DTWD2: variants seen among roughly 807,000 people sequenced by gnomAD.
The protein encoded by DTWD2 is DTW motif tRNA-uridine aminocarboxypropyltransferase 2.
In DTWD2, 39 loss-of-function variants were observed where a neutral mutation model predicts 31.8. That is an observed-to-expected ratio of 1.22 (90% CI 0.95 to 1.60). The LOEUF is 1.60. Ranked by LOEUF, DTWD2 falls within the 40% of genes most tolerant of loss-of-function variation. The pLI is 0.00. For synonymous variants in DTWD2, 180 were observed against 142.8 expected (o/e 1.26, Z -1.86); for missense variants, 515 against 381.5 (o/e 1.35, Z -2.92).
At chr5:118,932,472 G>T (rs2149580719) in intron 3 of DTWD2, among the ~76,000 whole-genome samples, 1 of 152,228 alleles carries the variant, frequency 6.6e-6, no homozygotes, top group East Asian at 1.9e-4. Context: ...ATCAAAAGCT[G>T]ACTGTTATAG....
At chr5:118,925,723 T>C (rs1753794839) in intron 4 of DTWD2, among the ~76,000 whole-genome samples, 1 of 151,606 alleles carries the variant, frequency 6.6e-6, no homozygotes, top group South Asian at 2.1e-4. Context: ...CGGGTACCTG[T>C]AGTCCCAGCT....
intron 1 of DTWD2, among the ~76,000 whole-genome samples, chr5:118,986,337 T>C (rs188477195): frequency 6.6e-6 from 1 of 152,320 alleles, no homozygotes; most frequent in East Asian, 1.9e-4. Context: ...AATAATAAAT[T>C]ACAAGTTTGG....
chr5:118,980,222 C>G (rs1755268589), intron 1 of DTWD2, among the ~76,000 whole-genome samples: 1 of 152,144 alleles, frequency 6.6e-6, no homozygotes, highest in Non-Finnish European at 1.5e-5. Flanking sequence ...TACTTGCAAC[C>G]CATTGTAAAA....
chr5:118,864,128 C>A lies in DTWD2; in HGVS notation c.598-15910G>T, dbSNP rs1313622545. ...CACAATAGCAAAGACTTGGAACCAA[C>A]CCAAATGTCCAACAATGATAGACTG... On this transcript the variant is annotated intron_variant, in intron 4 of 5. Transcript: ENST00000510708. Among the ~76,000 whole-genome samples, 3 of 136,532 alleles carry A rather than the reference C, an allele frequency of 2.2e-5. 1 individual carries two copies. The highest frequency in any genetic ancestry group is 9.8e-5 in the African/African-American group (3 of 30,554). The allele number at this position is 136,532 out of a possible 152,430, so 89.6% of individuals were successfully genotyped here.
intron 4 of DTWD2, among the ~76,000 whole-genome samples, chr5:118,860,105 G>A (rs1752226626): frequency 6.6e-6 from 1 of 151,622 alleles, no homozygotes; most frequent in African/African-American, 2.4e-5. Flanking sequence ...CTATTACAGA[G>A]TGAGACCCTG....
At chr5:118,872,123 A>C (rs1196649866) in intron 4 of DTWD2, among the ~76,000 whole-genome samples, 1 of 152,230 alleles carries the variant, frequency 6.6e-6, no homozygotes, top group Non-Finnish European at 1.5e-5. Context: ...CAATCTTAAC[A>C]GAATTGAAGA....
chr5:118,897,915 G>T (rs1192620890), intron 4 of DTWD2, among the ~76,000 whole-genome samples: 1 of 152,110 alleles, frequency 6.6e-6, no homozygotes, highest in East Asian at 1.9e-4. Context: ...TACGCCCAGG[G>T]TGGAGTGCAG....
intron 4 of DTWD2, among the ~76,000 whole-genome samples, chr5:118,858,172 CAA>C (rs879424159): frequency 1.5e-5 from 2 of 134,972 alleles, no homozygotes. Context: ...TTTCACATGG[CAA>C]AAAAAAAAAA....
At chr5:118,954,485 G>T (rs553557970) in intron 1 of DTWD2, among the ~76,000 whole-genome samples, 9 of 152,172 alleles carry the variant, frequency 5.9e-5, no homozygotes, top group Admixed American at 3.3e-4. Context: ...GGCATAGTAG[G>T]TGCTCAATAG....
At chr5:118,945,969 T>C (rs1754330794) in intron 1 of DTWD2, among the ~76,000 whole-genome samples, 1 of 152,190 alleles carries the variant, frequency 6.6e-6, no homozygotes, top group South Asian at 2.1e-4. Context: ...AACTCTTTCC[T>C]CAATTTTACT....
intron 4 of DTWD2, among the ~76,000 whole-genome samples, chr5:118,900,067 A>G (rs915275892): frequency 2.0e-5 from 3 of 152,144 alleles, no homozygotes; most frequent in East Asian, 1.9e-4. Context: ...TCGGCCTCCC[A>G]AAGTGCTGGG....
intron 4 of DTWD2, among the ~76,000 whole-genome samples, chr5:118,876,541 C>T (rs1752625899): frequency 6.6e-6 from 1 of 152,070 alleles, no homozygotes; most frequent in African/African-American, 2.4e-5. Flanking sequence ...TCAGAAACGA[C>T]AAGAGGGGTA....
intron 1 of DTWD2, among the ~76,000 whole-genome samples, chr5:118,945,578 A>T (rs1037961264): frequency 1.3e-5 from 2 of 152,100 alleles, no homozygotes; most frequent in African/African-American, 4.8e-5. Context: ...CAGCCTGGCC[A>T]ATGTGGTGAA....
At chr5:118,848,378 GT>G (rs1209023965) in intron 4 of DTWD2, among the ~76,000 whole-genome samples, 160 bp from the exon 5 acceptor site, 6 of 152,090 alleles carry the variant, frequency 3.9e-5, no homozygotes, top group African/African-American at 1.4e-4. Flanking sequence ...TGTTGCAATT[GT>G]TAAATAGTAG....
At chr5:118,911,127 C>T (rs1010922282) in intron 4 of DTWD2, among the ~76,000 whole-genome samples, 6 of 152,136 alleles carry the variant, frequency 3.9e-5, no homozygotes, top group African/African-American at 1.4e-4. Flanking sequence ...ATAGCAAAAA[C>T]TCAACCCAAT....
chr5:118,877,110 C>CAAAT (rs1752637663), intron 4 of DTWD2, among the ~76,000 whole-genome samples: 2 of 152,124 alleles, frequency 1.3e-5, no homozygotes, highest in Non-Finnish European at 2.9e-5. Flanking sequence ...GAACTAAAGG[C>CAAAT]AAATATACTC....
chr5:118,926,316 G>C (rs115139710), intron 4 of DTWD2, among the ~76,000 whole-genome samples: 1 of 152,088 alleles, frequency 6.6e-6, no homozygotes, highest in African/African-American at 2.4e-5. Context: ...ACCAAATTCC[G>C]TTATGTTCTC....
intron 4 of DTWD2, among the ~76,000 whole-genome samples, chr5:118,859,472 TCCAGA>T (rs2149543886): frequency 6.6e-6 from 1 of 152,328 alleles, no homozygotes; most frequent in South Asian, 2.1e-4. Context: ...TTTGATCCAT[TCCAGA>T]CATTAATATT....
At chr5:118,937,285 T>C (rs528765271) in intron 3 of DTWD2, among the ~76,000 whole-genome samples, 126 of 151,872 alleles carry the variant, frequency 8.3e-4, no homozygotes, top group African/African-American at 2.9e-3. Context: ...CTCATCATTT[T>C]AGAAACTGAT....
Sources: allele counts gnomAD v4.1 joint callset (sites outside exome capture counted in the v4.1 genomes callset), GRCh38; gene constraint gnomAD v4.1.1; transcripts MANE v1.5; gene names NCBI Gene and HGNC (gene_info 2026-07-23, HGNC 2026-07-21).